CALCRL: variants seen among roughly 807,000 people sequenced by gnomAD.
CALCRL encodes calcitonin gene-related peptide type 1 receptor.
In CALCRL, 27 loss-of-function variants were observed where a neutral mutation model predicts 60.4. That is an observed-to-expected ratio of 0.45 (90% CI 0.33 to 0.62). CALCRL has a LOEUF of 0.62. Among genes scored for constraint, CALCRL ranks in the 20% least tolerant of loss-of-function variants. CALCRL has a pLI of 0.03. For synonymous variants in CALCRL, 190 were observed against 182.6 expected (o/e 1.04, Z -0.33); for missense variants, 424 against 540.7 (o/e 0.78, Z 2.14).
intron 1 of CALCRL, chr2:187,431,350 T>C (rs1259538153): frequency 6.4e-6 from 1 of 155,190 alleles, no homozygotes; most frequent in Admixed American, 6.5e-5. Flanking sequence ...GTGGTTGGTG[T>C]ATCATCGTAG....
intron 1 of CALCRL, among the ~76,000 whole-genome samples, chr2:187,410,248 T>G (rs1689300783): frequency 6.6e-6 from 1 of 152,172 alleles, no homozygotes; most frequent in Non-Finnish European, 1.5e-5. Flanking sequence ...ATGAACATTT[T>G]AAAATATTAA....
intron 1 of CALCRL, among the ~76,000 whole-genome samples, chr2:187,412,807 G>C (rs1258320359): frequency 6.6e-6 from 1 of 152,122 alleles, no homozygotes; most frequent in African/African-American, 2.4e-5. Context: ...TAAAGCCTAG[G>C]ACATCTCAAA....
intron 13 of CALCRL, 70 bp from the exon 14 acceptor site, chr2:187,352,031 A>G (rs746728392): frequency 3.2e-5 from 49 of 1,527,410 alleles, no homozygotes; most frequent in Non-Finnish European, 4.4e-5. Context: ...AAATAGCTGT[A>G]CAAGTAGTCA....
intron 8 of CALCRL, among the ~76,000 whole-genome samples, chr2:187,364,888 A>G (rs1574228188): frequency 6.6e-6 from 1 of 152,176 alleles, no homozygotes; most frequent in African/African-American, 2.4e-5. Flanking sequence ...TCATATGCCA[A>G]CAAATAAGTG....
chr2:187,343,165 CT>C lies in CALCRL; in HGVS notation c.*3018del, dbSNP rs1368197677. ...AATTCATTTACTGGTTTACTGAAGA[CT>C]TTAAAGAGGGCAAAAGATATATTTT... On this transcript the variant is annotated 3_prime_UTR_variant, in exon 15 of 15. Transcript: ENST00000392370. The C allele has an allele frequency of 6.6e-6, 1 of 151,288 alleles. No homozygotes were observed. The highest frequency in any genetic ancestry group is 1.5e-5 in the Non-Finnish European group (1 of 67,488). 9.4% of individuals were successfully genotyped at this position (151,288 alleles called of 1,614,324 possible). A position where few individuals can be genotyped will look rare whatever the true frequency, so the allele number is the denominator to read the frequency against.
chr2:187,446,126 CTA>C (rs1559083478), intron 1 of CALCRL, among the ~76,000 whole-genome samples: 1 of 151,568 alleles, frequency 6.6e-6, no homozygotes, highest in African/African-American at 2.4e-5. Flanking sequence ...TATTTCAATT[CTA>C]TGTTTCATTT....
rs1477723060 is a variant in CALCRL, at chr2:187,346,212, A to G, written c.1358T>C (p.Leu453Pro). 1.2e-6 allele frequency: 2 copies of G among 1,609,368 alleles called. No individual in the cohort carries two copies. The highest frequency in any genetic ancestry group is 8.5e-7 in the Non-Finnish European group (1 of 1,176,906). The change falls in exon 15 of 15, where the codon CTC (leucine) becomes CCC (proline). Residue 453 changes from leucine (L) to proline (P), a missense_variant. Leu to Pro is a moderately conservative substitution (Grantham distance 98, BLOSUM62 -3). This residue lies in a region of CALCRL where 222 missense variants were observed against 265.6 expected (regional missense o/e 0.84). Coordinates refer to ENST00000392370, the MANE Select transcript of CALCRL (RefSeq NM_005795.6). ...ATTATATAAATTTTCTGGTTTTAAG[A>G]GAACATTTTCAATATCATGGATGCT... ...GKSIHDIENVLLKPENLYN is the reference protein window; with the variant it reads ...GKSIHDIENVPLKPENLYN
intron 1 of CALCRL, among the ~76,000 whole-genome samples, chr2:187,399,647 A>G (rs1375008827): frequency 1.3e-5 from 2 of 151,636 alleles, no homozygotes; most frequent in African/African-American, 4.8e-5. Context: ...CTGCTCAATA[A>G]TAAAAAGAAA....
intron 1 of CALCRL, among the ~76,000 whole-genome samples, chr2:187,421,894 T>C (rs1689889077): frequency 6.6e-6 from 1 of 152,134 alleles, no homozygotes; most frequent in African/African-American, 2.4e-5. Context: ...AACTTTCTTT[T>C]CCCTCTTCAA....
chr2:187,376,736 T>A (rs1327616777), intron 8 of CALCRL, among the ~76,000 whole-genome samples: 1 of 152,134 alleles, frequency 6.6e-6, no homozygotes, highest in Non-Finnish European at 1.5e-5. Context: ...TGACTTAGAA[T>A]TCTAGAAACC....
rs1690321042 is a variant in CALCRL at position 187,429,874 on chromosome 2, A to G, written c.-293+18165T>C. 2.0e-5 allele frequency among the ~76,000 whole-genome samples: 3 copies of G among 152,050 alleles called. No individual in the cohort carries two copies. The South Asian group carries it at 6.2e-4, about 32-fold the overall frequency. ...TCTTCTTCAAACTCTCAAACATGTT[A>G]TAAGTTGAAAAACACACTTGGAAAA... On this transcript the variant is annotated intron_variant, in intron 1 of 14. Transcript: ENST00000392370.
rs1687486614 is a variant in CALCRL, at chr2:187,370,853, T to C, written c.501-7351A>G. Among the ~76,000 whole-genome samples the C allele has an allele frequency of 2.0e-5, 3 of 152,196 alleles. No individual in the cohort carries two copies. In the South Asian group the frequency reaches 6.2e-4, roughly 31 times the overall value. ...TTTGGCACCATCTCACTTTATGGCATAAGAATGTTTTCACCTCTCACAACA... is the reference window on the plus strand; with the variant it reads ...TTTGGCACCATCTCACTTTATGGCACAAGAATGTTTTCACCTCTCACAACA... On this transcript the variant is annotated intron_variant, in intron 8 of 14. Coordinates refer to ENST00000392370, the MANE Select transcript of CALCRL (RefSeq NM_005795.6).
At chr2:187,383,095 C>G in intron 5 of CALCRL, 78 bp downstream of exon 5, 1 of 1,380,088 alleles carries the variant, frequency 7.2e-7, no homozygotes, top group South Asian at 1.3e-5. Context: ...GGACCTAAAG[C>G]ACTTATAATG....
intron 8 of CALCRL, among the ~76,000 whole-genome samples, chr2:187,374,700 T>C (rs1445341687): frequency 3.9e-5 from 6 of 152,180 alleles, no homozygotes; most frequent in African/African-American, 1.4e-4. Context: ...GTATTTCAGA[T>C]GACTACATAA....
chr2:187,382,849 T>A (rs1688036216), intron 5 of CALCRL, among the ~76,000 whole-genome samples: 1 of 152,014 alleles, frequency 6.6e-6, no homozygotes, highest in African/African-American at 2.4e-5. Flanking sequence ...AAAAAAGAAA[T>A]ACACAATTAC....
chr2:187,437,605 A>G (rs1690705761), intron 1 of CALCRL, among the ~76,000 whole-genome samples: 1 of 152,134 alleles, frequency 6.6e-6, no homozygotes, highest in South Asian at 2.1e-4. Context: ...ATACTGAGTT[A>G]TCTTGCCATA....
chr2:187,410,201 G>A (rs906651759), intron 1 of CALCRL, among the ~76,000 whole-genome samples: 1 of 152,080 alleles, frequency 6.6e-6, no homozygotes, highest in Non-Finnish European at 1.5e-5. Context: ...GAATCTGTAG[G>A]GTAGAAAGAA....
intron 1 of CALCRL, among the ~76,000 whole-genome samples, chr2:187,438,604 G>A (rs926801164): frequency 2.0e-5 from 3 of 151,832 alleles, no homozygotes; most frequent in Admixed American, 6.6e-5. Context: ...AATAAGTAAC[G>A]GAATAAGGCT....
At chr2:187,425,571 T>G (rs1690082684) in intron 1 of CALCRL, among the ~76,000 whole-genome samples, 1 of 152,002 alleles carries the variant, frequency 6.6e-6, no homozygotes, top group African/African-American at 2.4e-5. Context: ...GGTTAGTTGT[T>G]CTAGTCACAA....
Sources: allele counts gnomAD v4.1 joint callset (sites outside exome capture counted in the v4.1 genomes callset), GRCh38; gene constraint gnomAD v4.1.1; regional missense constraint gnomAD v4.1.1; transcripts MANE v1.5; gene names NCBI Gene and HGNC (gene_info 2026-07-23, HGNC 2026-07-21).